DPP10: variants seen among roughly 807,000 people sequenced by gnomAD.
The protein encoded by DPP10 is inactive dipeptidyl peptidase 10.
A neutral mutation model predicts 120.9 loss-of-function variants in DPP10; 33 were observed. That is an observed-to-expected ratio of 0.27 (90% confidence interval 0.21 to 0.37). The LOEUF (loss-of-function observed/expected upper bound fraction) is 0.37. DPP10 is among the 10% of genes least tolerant of loss of function. The pLI is 1.00. For synonymous variants in DPP10, 337 were observed against 326.1 expected (o/e 1.03, Z -0.36); for missense variants, 816 against 942.8 (o/e 0.87, Z 1.76).
At chr2:114,871,724 A>G (rs1013485475) in intron 1 of DPP10, among the ~76,000 whole-genome samples, 22 of 152,290 alleles carry the variant, frequency 1.4e-4, no homozygotes, top group African/African-American at 4.1e-4. Flanking sequence ...AGGGGTCCCC[A>G]ACCCCCAGGC....
chr2:114,767,207 CAAAAAAAA>C (rs5833559), intron 1 of DPP10, among the ~76,000 whole-genome samples: 10 of 33,060 alleles, frequency 3.0e-4, no homozygotes, highest in Admixed American at 5.5e-4. Context: ...AGGATAAAAG[CAAAAAAAA>C]AAAAAAAAAA....
chr2:115,587,915 A>G (rs756314650), intron 5 of DPP10, among the ~76,000 whole-genome samples: 9 of 152,206 alleles, frequency 5.9e-5, no homozygotes, highest in South Asian at 2.1e-4. Context: ...ATAATTTACA[A>G]TTAATCTAAG....
intron 5 of DPP10, among the ~76,000 whole-genome samples, chr2:115,545,931 ATTTAATG>A (rs2079473424): frequency 6.6e-6 from 1 of 152,010 alleles, no homozygotes; most frequent in Non-Finnish European, 1.5e-5. Context: ...TCCCCCCTTT[ATTTAATG>A]TTTTCATCCT....
intron 5 of DPP10, among the ~76,000 whole-genome samples, chr2:115,569,702 G>A (rs987513187): frequency 6.6e-6 from 1 of 152,162 alleles, no homozygotes; most frequent in Non-Finnish European, 1.5e-5. Context: ...GCATGAACTA[G>A]TACAAGTATG....
At chr2:114,704,076 G>A (rs980195575) in intron 1 of DPP10, among the ~76,000 whole-genome samples, 1 of 152,112 alleles carries the variant, frequency 6.6e-6, no homozygotes, top group African/African-American at 2.4e-5. Context: ...AACAGGGCAA[G>A]GCTGGATGAT....
intron 1 of DPP10, among the ~76,000 whole-genome samples, chr2:114,828,239 G>A (rs1014288742): frequency 2.6e-5 from 4 of 152,100 alleles, no homozygotes; most frequent in African/African-American, 9.7e-5. Flanking sequence ...TCCCCGTCTC[G>A]TCTGATAATG....
At chr2:115,800,005 G>T (rs1404556243) in intron 19 of DPP10, among the ~76,000 whole-genome samples, 3 of 151,082 alleles carry the variant, frequency 2.0e-5, no homozygotes, top group Admixed American at 6.6e-5. Context: ...CTGAGGAATC[G>T]CCACACCGAC....
intron 1 of DPP10, among the ~76,000 whole-genome samples, chr2:114,509,299 T>A (rs1295746739): frequency 6.6e-6 from 1 of 152,208 alleles, no homozygotes; most frequent in East Asian, 1.9e-4. Flanking sequence ...ATCATAATTG[T>A]TATGAAGATT....
intron 7 of DPP10, among the ~76,000 whole-genome samples, chr2:115,703,995 G>A (rs576615535): frequency 2.0e-5 from 3 of 151,802 alleles, no homozygotes; most frequent in South Asian, 2.1e-4. Context: ...GCCACCATCC[G>A]CAGAAATATA....
At chr2:115,229,924 A>C (rs2057653860) in intron 1 of DPP10, among the ~76,000 whole-genome samples, 1 of 150,582 alleles carries the variant, frequency 6.6e-6, no homozygotes. Flanking sequence ...ATTCCACGTA[A>C]ATTTTAGGAT....
intron 21 of DPP10, among the ~76,000 whole-genome samples, chr2:115,818,289 A>C (rs557311274): frequency 7.9e-5 from 12 of 152,230 alleles, no homozygotes; most frequent in Non-Finnish European, 1.8e-4. Context: ...TGTGTTTAAA[A>C]GTAGTTAATA....
At chr2:114,975,337 C>A (rs1380204383) in intron 1 of DPP10, among the ~76,000 whole-genome samples, 1 of 152,100 alleles carries the variant, frequency 6.6e-6, no homozygotes, top group Non-Finnish European at 1.5e-5. Context: ...AGCCACCGTG[C>A]CTGGCTGAAG....
chr2:114,763,171 G>A (rs184981597), intron 1 of DPP10, among the ~76,000 whole-genome samples: 4 of 152,248 alleles, frequency 2.6e-5, no homozygotes, highest in East Asian at 3.9e-4. Flanking sequence ...GGGAGATACC[G>A]CAGGCCAGTC....
chr2:115,341,576 C>T (rs535280502), intron 2 of DPP10, among the ~76,000 whole-genome samples: 43 of 152,284 alleles, frequency 2.8e-4, no homozygotes, highest in African/African-American at 1.0e-3. Context: ...ATAACTTCAC[C>T]ACCCTACAAA....
At chr2:114,531,678 G>A (rs972415868) in intron 1 of DPP10, among the ~76,000 whole-genome samples, 2 of 151,730 alleles carry the variant, frequency 1.3e-5, no homozygotes, top group East Asian at 1.9e-4. Context: ...TACATAGATA[G>A]AAGAGTGTAT....
chr2:115,088,193 G>T (rs984017871), intron 1 of DPP10, among the ~76,000 whole-genome samples: 1 of 152,026 alleles, frequency 6.6e-6, no homozygotes, highest in Non-Finnish European at 1.5e-5. Flanking sequence ...ACCTCCTAAA[G>T]GCCTTGCCTC....
chr2:115,629,894 G>A (rs1008510806), intron 5 of DPP10, among the ~76,000 whole-genome samples: 2 of 152,092 alleles, frequency 1.3e-5, no homozygotes, highest in Non-Finnish European at 2.9e-5. Flanking sequence ...CTCTTTTTTG[G>A]TTCCATGTGA....
At chr2:114,577,808 T>C (rs1330405663) in intron 1 of DPP10, among the ~76,000 whole-genome samples, 1 of 152,180 alleles carries the variant, frequency 6.6e-6, no homozygotes, top group Non-Finnish European at 1.5e-5. Context: ...CTGGCAATCT[T>C]TGGAAGAAGC....
rs1317708053 is a variant in DPP10, at chr2:114,596,888, A to T, written c.60+154050A>T. 1.3e-5 allele frequency among the ~76,000 whole-genome samples: 2 copies of T among 152,054 alleles called. 1 individual carries two copies. The highest frequency in any genetic ancestry group is 1.3e-4 in the Admixed American group (2 of 15,202). On this transcript the variant is annotated intron_variant, in intron 1 of 25. Transcript: ENST00000410059. ...CATTTAAGCCATATTATTTCAATGA[A>T]ATTCTGCAAATACTTATTGAGCACT...
Sources: gnomAD v4.1 joint callset for allele counts (sites outside exome capture counted in the v4.1 genomes callset) on GRCh38, gnomAD v4.1.1 for gene constraint, MANE v1.5 for transcripts, NCBI Gene and HGNC (gene_info 2026-07-23, HGNC 2026-07-21) for gene names.